The following DGKB variants were observed in gnomAD, a reference collection of about 807,000 sequenced individuals.
The protein encoded by DGKB is diacylglycerol kinase beta, also known as 90 kDa diacylglycerol kinase.
Under a neutral mutation model 114.3 loss-of-function variants are expected in DGKB, and 67 were observed. The ratio of observed to expected loss-of-function variants is 0.59; its 90% CI spans 0.48 to 0.72. DGKB has a LOEUF of 0.72. DGKB is among the 30% of genes least tolerant of loss of function. The probability of loss-of-function intolerance (pLI) is 0.00; values close to 1 mark genes in which losing one functional copy is unlikely to be tolerated. For synonymous variants in DGKB, 398 were observed against 323.1 expected (o/e 1.23, Z -2.49); for missense variants, 907 against 975.2 (o/e 0.93, Z 0.93).
chr7:14,856,814 G>T (rs185909538), intron 1 of DGKB, among the ~76,000 whole-genome samples: 1 of 151,922 alleles, frequency 6.6e-6, no homozygotes, highest in Non-Finnish European at 1.5e-5. Flanking sequence ...TGGGTTTTAG[G>T]GTATGCTTTA....
chr7:14,536,505 AAC>A (rs1792522194), intron 20 of DGKB, among the ~76,000 whole-genome samples: 1 of 152,222 alleles, frequency 6.6e-6, no homozygotes, highest in Non-Finnish European at 1.5e-5. Context: ...AGGACAATTT[AAC>A]ACATGCAAAT....
intron 25 of DGKB, among the ~76,000 whole-genome samples, chr7:14,168,596 A>G (rs936021583): frequency 9.2e-5 from 14 of 152,228 alleles, no homozygotes; most frequent in African/African-American, 2.2e-4. Flanking sequence ...TTGCAAAGCA[A>G]TGATTCAAAC....
intron 2 of DGKB, among the ~76,000 whole-genome samples, chr7:14,763,015 C>A (rs1398194946): frequency 6.6e-6 from 1 of 152,086 alleles, no homozygotes; most frequent in Non-Finnish European, 1.5e-5. Context: ...CCTCTTGGCA[C>A]CATAGGTGTG....
At chr7:14,189,854 T>A (rs1784047163) in intron 23 of DGKB, among the ~76,000 whole-genome samples, 1 of 152,244 alleles carries the variant, frequency 6.6e-6, no homozygotes, top group Admixed American at 6.5e-5. Flanking sequence ...AACAAGAGGA[T>A]ATAACAATTG....
At chr7:14,299,585 T>G (rs916972788) in intron 23 of DGKB, among the ~76,000 whole-genome samples, 1 of 152,200 alleles carries the variant, frequency 6.6e-6, no homozygotes, top group African/African-American at 2.4e-5. Flanking sequence ...AACCTGTTTC[T>G]GTGTTTTAGC....
At chr7:14,920,458 G>A (rs117958744) in intron 1 of DGKB, among the ~76,000 whole-genome samples, 2 of 152,128 alleles carry the variant, frequency 1.3e-5, no homozygotes, top group Non-Finnish European at 2.9e-5. Flanking sequence ...GCCATGATAT[G>A]CTTATTAGAA....
intron 21 of DGKB, among the ~76,000 whole-genome samples, chr7:14,347,517 A>T (rs1812683678): frequency 6.6e-6 from 1 of 152,026 alleles, no homozygotes; most frequent in South Asian, 2.1e-4. Context: ...GGAAGCCAGA[A>T]CAGAAAGACA....
At position 14,516,331 on chromosome 7, in the gene DGKB, C is replaced by G. The variant is rs146536280; in HGVS notation, c.1771-38106G>C. The stretch of plus-strand genomic sequence containing the variant: ...AAATATGTCTATAAAAATCAAATAT[C>G]CACTCTCTCCCAGTGCCATTTGTAA... On this transcript the variant is annotated intron_variant, in intron 20 of 25. Coordinates refer to ENST00000402815, the MANE Select transcript of DGKB (RefSeq NM_001350709.2). 7.2e-5 allele frequency among the ~76,000 whole-genome samples: 11 copies of G among 152,216 alleles called. No homozygotes were observed. The South Asian group carries it at 1.9e-3, about 26-fold the overall frequency.
intron 1 of DGKB, among the ~76,000 whole-genome samples, chr7:14,949,281 T>C (rs180686694): frequency 3.0e-4 from 45 of 152,088 alleles, no homozygotes; most frequent in African/African-American, 9.6e-4. Flanking sequence ...GCATCACATG[T>C]TGGAGATGAC....
intron 18 of DGKB, among the ~76,000 whole-genome samples, chr7:14,581,969 A>G (rs1329904070): frequency 6.6e-6 from 1 of 152,216 alleles, no homozygotes; most frequent in Non-Finnish European, 1.5e-5. Context: ...TTCTTTTTAA[A>G]TCAAATATTA....
chr7:14,722,430 T>C (rs1829326098), intron 5 of DGKB, among the ~76,000 whole-genome samples: 1 of 152,168 alleles, frequency 6.6e-6, no homozygotes, highest in Non-Finnish European at 1.5e-5. Context: ...GATAGCTCAT[T>C]TCTTTTTATC....
chr7:14,675,372 G>A (rs968428015), intron 12 of DGKB, among the ~76,000 whole-genome samples: 3 of 152,002 alleles, frequency 2.0e-5, no homozygotes, highest in African/African-American at 7.2e-5. Context: ...AGTTATTTGA[G>A]GGTTACTGAT....
chr7:14,734,762 T>C (rs1335407881), intron 5 of DGKB, among the ~76,000 whole-genome samples: 2 of 152,258 alleles, frequency 1.3e-5, no homozygotes, highest in Non-Finnish European at 2.9e-5. Flanking sequence ...ATCTTTAATA[T>C]GGCAAATATC....
intron 23 of DGKB, among the ~76,000 whole-genome samples, chr7:14,299,882 C>CAA (rs61150433): frequency 2.7e-5 from 4 of 147,884 alleles, no homozygotes; most frequent in African/African-American, 1.0e-4. Flanking sequence ...AGTTATTCAG[C>CAA]AAAAAAAAAC....
chr7:14,351,590 A>G (rs749408625), intron 21 of DGKB, among the ~76,000 whole-genome samples: 1 of 152,154 alleles, frequency 6.6e-6, no homozygotes, highest in Non-Finnish European at 1.5e-5. Flanking sequence ...AAAATCAGCA[A>G]TTTATTTTTT....
At chr7:14,701,534 A>T in intron 7 of DGKB, 147 bp downstream of exon 7, 1 of 610,272 alleles carries the variant, frequency 1.6e-6, no homozygotes, top group South Asian at 2.2e-5. Context: ...ACTCTCTCGC[A>T]AAAAGTCAAA....
At chr7:14,260,137 C>G (rs538058340) in intron 23 of DGKB, among the ~76,000 whole-genome samples, 1 of 138,100 alleles carries the variant, frequency 7.2e-6, no homozygotes, top group East Asian at 2.1e-4. Flanking sequence ...CACACACACA[C>G]AGTTGAATTT....
intron 20 of DGKB, among the ~76,000 whole-genome samples, chr7:14,560,315 C>G (rs1053810425): frequency 6.6e-6 from 1 of 152,148 alleles, no homozygotes; most frequent in Non-Finnish European, 1.5e-5. Flanking sequence ...GTTTATCCCT[C>G]TAGCTTTACT....
intron 5 of DGKB, among the ~76,000 whole-genome samples, chr7:14,731,460 CAT>C (rs1830910781): frequency 6.6e-6 from 1 of 151,928 alleles, no homozygotes; most frequent in South Asian, 2.1e-4. Flanking sequence ...AAAAAATCAA[CAT>C]AATTGATCTC....
Sources: allele counts gnomAD v4.1 joint callset (sites outside exome capture counted in the v4.1 genomes callset), GRCh38; gene constraint gnomAD v4.1.1; transcripts MANE v1.5; gene names NCBI Gene and HGNC (gene_info 2026-07-23, HGNC 2026-07-21).